CFAP54: variants seen among roughly 807,000 people sequenced by gnomAD.
The protein encoded by CFAP54 is cilia and flagella associated protein 54.
CFAP54 carries 290 observed loss-of-function variants against 370.4 expected under a neutral mutation model. The observed-to-expected ratio is 0.78, with a 90% CI of 0.71 to 0.86. The LOEUF (loss-of-function observed/expected upper bound fraction) is 0.86, where lower values mean the gene tolerates loss of function less well. CFAP54 is among the 40% of genes least tolerant of loss of function. The pLI is 0.00. For synonymous variants in CFAP54, 1,206 were observed against 1,236.5 expected (o/e 0.98, Z 0.52); for missense variants, 3,399 against 3,528.7 (o/e 0.96, Z 0.93).
At chr12:96,682,676 T>C (rs1275687530) in intron 40 of CFAP54, among the ~76,000 whole-genome samples, 1 of 152,154 alleles carries the variant, frequency 6.6e-6, no homozygotes, top group Non-Finnish European at 1.5e-5. Context: ...CCCGGCTATG[T>C]CTCCATTTTC....
chr12:96,625,810 A>C lies in CFAP54; in HGVS notation c.3976+3A>C, dbSNP rs1362719656. ...GGTCAAAGGTGCCGTGAAAGAAGGT[A>C]GGTGAACTGGATGTGTATATGCTGT... is the stretch of plus-strand genomic sequence containing the variant. On this transcript the variant is annotated splice_donor_region_variant and intron_variant, in intron 29 of 67. Transcript: ENST00000524981. 7.2e-6 allele frequency: 11 copies of C among 1,529,376 alleles called. No individual in the cohort carries two copies. Among genetic ancestry groups the C allele is most frequent in the African/African-American group, 1.4e-5 (1 of 72,890 alleles). The allele number at this position is 1,529,376 out of a possible 1,614,324, so 94.7% of individuals were successfully genotyped here. A position where few individuals can be genotyped will look rare whatever the true frequency, so the allele number is the denominator to read the frequency against.
intron 23 of CFAP54, among the ~76,000 whole-genome samples, chr12:96,591,594 A>C (rs1011914805): frequency 6.6e-6 from 1 of 152,120 alleles, no homozygotes; most frequent in Non-Finnish European, 1.5e-5. Context: ...AAGGATTTAG[A>C]AATATTTTTT....
At chr12:96,659,531 A>G (rs1956967020) in intron 38 of CFAP54, among the ~76,000 whole-genome samples, 1 of 152,184 alleles carries the variant, frequency 6.6e-6, no homozygotes, top group East Asian at 1.9e-4. Context: ...TTGAATTTCT[A>G]CTTTCATATT....
intron 6 of CFAP54, among the ~76,000 whole-genome samples, chr12:96,520,671 G>A (rs936461224): frequency 2.6e-5 from 4 of 152,192 alleles, no homozygotes; most frequent in Non-Finnish European, 5.9e-5. Flanking sequence ...TGAGAAATAA[G>A]CACCCCTTCC....
chr12:96,720,375 C>G, intron 49 of CFAP54, 30 bp from the exon 50 acceptor site: 1 of 1,366,674 alleles, frequency 7.3e-7, no homozygotes, highest in East Asian at 2.7e-5. Context: ...TATTTCTGAA[C>G]TCACGTGATG....
At chr12:96,858,279 G>T (rs1219766444) in intron 66 of CFAP54, among the ~76,000 whole-genome samples, 1 of 152,014 alleles carries the variant, frequency 6.6e-6, no homozygotes, top group East Asian at 1.9e-4. Context: ...TATTCTTCTT[G>T]GGTGCATGTA....
intron 12 of CFAP54, among the ~76,000 whole-genome samples, chr12:96,536,455 C>A (rs1232130862): frequency 6.6e-6 from 1 of 151,994 alleles, no homozygotes; most frequent in Admixed American, 6.6e-5. Context: ...TTCATTTCTT[C>A]TGGGTTTGTC....
In CFAP54 at chr12:96,699,088, A is replaced by T. The variant is rs150737285; in HGVS notation, c.6352-883A>T. The stretch of plus-strand genomic sequence containing the variant: ...AACCAGAGACTGAAGTAAGTTAAAA[A>T]GGTTACTCTCCTATGCAAACATCTG... On this transcript the variant is annotated intron_variant, in intron 45 of 67. Transcript: ENST00000524981. 2.6e-5 allele frequency among the ~76,000 whole-genome samples: 4 copies of T among 152,330 alleles called. No homozygotes were observed. The East Asian group carries it at 7.7e-4, about 29-fold the overall frequency.
chr12:96,663,993 C>A, intron 39 of CFAP54, 61 bp downstream of exon 39: 1 of 1,239,654 alleles, frequency 8.1e-7, no homozygotes, highest in Non-Finnish European at 1.2e-6. Flanking sequence ...CCATTGTGTT[C>A]TGCATGTCAA....
Position 96,757,493 on chromosome 12 carries a change from A to G in CFAP54, c.7947-2A>G. On this transcript the variant is annotated splice_acceptor_variant, in intron 57 of 67. Transcript: ENST00000524981. LOFTEE classifies it high-confidence loss of function. ...AATAAGTACAGTGCTATATCATTTTAGATTGATAAGAGACTCCTACCTAGA... is the reference window on the plus strand; with the variant it reads ...AATAAGTACAGTGCTATATCATTTTGGATTGATAAGAGACTCCTACCTAGA... 1 of 1,531,602 alleles carries G rather than the reference A, an allele frequency of 6.5e-7. No homozygotes were observed. The allele number at this position is 1,531,602 out of a possible 1,614,324, so 94.9% of individuals were successfully genotyped here.
At chr12:96,529,285 T>C (rs1031453472) in intron 9 of CFAP54, among the ~76,000 whole-genome samples, 2 of 152,226 alleles carry the variant, frequency 1.3e-5, no homozygotes, top group African/African-American at 4.8e-5. Flanking sequence ...TAGTAAATCA[T>C]GTGGTTAGAT....
intron 26 of CFAP54, among the ~76,000 whole-genome samples, chr12:96,599,615 A>G (rs1160036893): frequency 1.3e-5 from 2 of 152,116 alleles, no homozygotes; most frequent in Non-Finnish European, 2.9e-5. Flanking sequence ...ACTAATTTAC[A>G]CTCCCATCAA....
intron 26 of CFAP54, among the ~76,000 whole-genome samples, chr12:96,615,557 C>T (rs1956406170): frequency 6.6e-6 from 1 of 152,080 alleles, no homozygotes; most frequent in African/African-American, 2.4e-5. Context: ...AAAGAAACTA[C>T]CATCAGAGTG....
chr12:96,721,662 A>G (rs569246334), intron 50 of CFAP54, among the ~76,000 whole-genome samples: 1 of 152,322 alleles, frequency 6.6e-6, no homozygotes, highest in East Asian at 1.9e-4. Flanking sequence ...ATCATTCATT[A>G]ATTCGTTTAA....
chr12:96,648,699 C>G (rs2136499446), intron 34 of CFAP54, among the ~76,000 whole-genome samples: 1 of 146,968 alleles, frequency 6.8e-6, no homozygotes, highest in South Asian at 2.1e-4. Context: ...AGCGATTCTC[C>G]TGCCTCAGCC....
At chr12:96,507,267 A>G (rs1469988898) in intron 4 of CFAP54, among the ~76,000 whole-genome samples, 168 bp downstream of exon 4, 3 of 152,054 alleles carry the variant, frequency 2.0e-5, no homozygotes, top group African/African-American at 7.2e-5. Context: ...GTAAATTGGG[A>G]TGGATAAAGC....
At chr12:96,631,942 T>C (rs1211057333) in intron 32 of CFAP54, among the ~76,000 whole-genome samples, 2 of 151,862 alleles carry the variant, frequency 1.3e-5, no homozygotes, top group African/African-American at 2.4e-5. Context: ...TAGATATTGC[T>C]AAGTTGCTCT....
intron 67 of CFAP54, among the ~76,000 whole-genome samples, chr12:96,861,741 A>G (rs867117739): frequency 1.3e-5 from 2 of 152,198 alleles, no homozygotes; most frequent in Admixed American, 1.3e-4. Flanking sequence ...GTGTGTATTA[A>G]TTAGGTGAGT....
At chr12:96,591,187 C>T (rs1956120154) in intron 23 of CFAP54, among the ~76,000 whole-genome samples, 1 of 152,060 alleles carries the variant, frequency 6.6e-6, no homozygotes, top group Non-Finnish European at 1.5e-5. Flanking sequence ...TATTAAATAT[C>T]AGTGCCAGGT....
Sources: allele counts gnomAD v4.1 joint callset (sites outside exome capture counted in the v4.1 genomes callset), GRCh38; gene constraint gnomAD v4.1.1; transcripts MANE v1.5; gene names NCBI Gene and HGNC (gene_info 2026-07-23, HGNC 2026-07-21).